ASIC2: variants seen among roughly 807,000 people sequenced by gnomAD.
ASIC2 encodes acid-sensing ion channel 2.
A neutral mutation model predicts 57.3 loss-of-function variants in ASIC2; 25 were observed. The observed-to-expected ratio is 0.44, with a 90% CI of 0.32 to 0.61. ASIC2 has a LOEUF of 0.61. ASIC2 is among the 20% of genes least tolerant of loss of function. The pLI, the probability that ASIC2 is intolerant of heterozygous loss-of-function variation, is 0.06. For synonymous variants in ASIC2, 319 were observed against 307.5 expected (o/e 1.04, Z -0.39); for missense variants, 641 against 738.1 (o/e 0.87, Z 1.52).
rs188608254 is a variant in ASIC2 at position 33,099,307 on chromosome 17, G to A, written c.860-10317C>T. 1.7e-3 allele frequency among the ~76,000 whole-genome samples: 266 copies of A among 152,164 alleles called. 1 individual carries two copies. Among genetic ancestry groups the A allele is most frequent in the African/African-American group, 6.0e-3 (251 of 41,504 alleles). ...GCTGGGATTATAGTCATGAGCCACC[G>A]CACCCAGCCGCTTACCGCATTTTAA... On this transcript the variant is annotated intron_variant, in intron 2 of 9. Transcript: ENST00000225823.
chr17:33,918,127 G>A (rs1052725664), intron 1 of ASIC2, among the ~76,000 whole-genome samples: 1 of 152,092 alleles, frequency 6.6e-6, no homozygotes, highest in Non-Finnish European at 1.5e-5. Context: ...TACTTATGAT[G>A]TTTCCTTTTC....
At position 33,941,931 on chromosome 17, in the gene ASIC2, G is replaced by A. The variant is rs189159464; in HGVS notation, c.555+214047C>T. Among the ~76,000 whole-genome samples, 217 of 152,290 alleles carry A rather than the reference G, an allele frequency of 1.4e-3. 1 individual carries two copies. Among genetic ancestry groups the A allele is most frequent in the African/African-American group, 5.1e-3 (212 of 41,562 alleles). ...TTACTACCACCCCGGGGCAACTCAG[G>A]CTAGGAAGGCAGGTGTTGTTGGGGA... On this transcript the variant is annotated intron_variant, in intron 1 of 9. Transcript: ENST00000359872.
In ASIC2 at chr17:34,037,985, C is replaced by A. The variant is rs1907956280; in HGVS notation, c.555+117993G>T. ...ATTTGAGATCTTTGGTGGTTCTTTC[C>A]CAACCACAAAACACTCTGGTGGTAA... is the stretch of plus-strand genomic sequence containing the variant. On this transcript the variant is annotated intron_variant, in intron 1 of 9. Transcript: ENST00000359872. The A allele has an allele frequency of 1.9e-6, 3 of 1,613,482 alleles. No individual in the cohort carries two copies. The African/African-American group carries it at 4.0e-5, about 22-fold the overall frequency.
At chr17:34,051,765 T>C (rs1404253147) in intron 1 of ASIC2, 3 of 151,986 alleles carry the variant, frequency 2.0e-5, no homozygotes, top group African/African-American at 7.3e-5. Context: ...AAAATTAATT[T>C]ACAAAATGTT....
chr17:33,353,338 C>G (rs1327685055), intron 1 of ASIC2, among the ~76,000 whole-genome samples: 1 of 151,946 alleles, frequency 6.6e-6, no homozygotes, highest in Admixed American at 6.6e-5. Context: ...TCTATCTATT[C>G]TTTTTTGTTT....
intron 1 of ASIC2, among the ~76,000 whole-genome samples, chr17:33,883,256 T>TA (rs1029477460): frequency 6.6e-6 from 1 of 152,014 alleles, no homozygotes; most frequent in Non-Finnish European, 1.5e-5. Context: ...ATAATATTAA[T>TA]AAAAAAAGTC....
chr17:33,616,103 C>T (rs537614443), intron 1 of ASIC2, among the ~76,000 whole-genome samples: 2 of 152,346 alleles, frequency 1.3e-5, no homozygotes, highest in African/African-American at 4.8e-5. Context: ...GTCTCTGTTA[C>T]GACCAGCTGT....
intron 1 of ASIC2, among the ~76,000 whole-genome samples, chr17:33,122,939 G>T (rs903452749): frequency 5.3e-5 from 8 of 152,090 alleles, no homozygotes; most frequent in Non-Finnish European, 8.8e-5. Context: ...GCCACAAGGA[G>T]ATATCACCTC....
chr17:33,762,804 T>C (rs1229840431), intron 1 of ASIC2, among the ~76,000 whole-genome samples: 1 of 152,106 alleles, frequency 6.6e-6, no homozygotes, highest in East Asian at 1.9e-4. Flanking sequence ...TGGGGATGAA[T>C]ATGTGAGGAG....
chr17:33,103,460 C>T (rs900132595), intron 2 of ASIC2, among the ~76,000 whole-genome samples: 2 of 152,190 alleles, frequency 1.3e-5, no homozygotes, highest in Non-Finnish European at 2.9e-5. Context: ...TGTCTATTTC[C>T]TCAATGTTTC....
chr17:33,093,674 C>T (rs751868337), intron 2 of ASIC2, among the ~76,000 whole-genome samples: 40 of 152,056 alleles, frequency 2.6e-4, no homozygotes, highest in Non-Finnish European at 2.9e-4. Flanking sequence ...TCTACCTGGC[C>T]AGGGAGGGAA....
At chr17:33,633,168 AC>A (rs1322420100) in intron 1 of ASIC2, among the ~76,000 whole-genome samples, 2 of 152,096 alleles carry the variant, frequency 1.3e-5, no homozygotes, top group Non-Finnish European at 2.9e-5. Context: ...AGAGAGTGTT[AC>A]CCTGATTCTC....
intron 1 of ASIC2, among the ~76,000 whole-genome samples, chr17:33,669,476 A>G (rs1907579759): frequency 6.6e-6 from 1 of 152,202 alleles, no homozygotes; most frequent in African/African-American, 2.4e-5. Context: ...AGACAGACAG[A>G]CAGACATGGA....
chr17:34,153,539 C>T (rs1904605764), intron 1 of ASIC2, among the ~76,000 whole-genome samples: 2 of 152,176 alleles, frequency 1.3e-5, no homozygotes, highest in African/African-American at 4.8e-5. Context: ...CTCCTCACTA[C>T]AAGGTCTTGA....
chr17:33,671,009 A>G (rs1261743329), intron 1 of ASIC2, among the ~76,000 whole-genome samples: 21 of 152,226 alleles, frequency 1.4e-4, no homozygotes, highest in Non-Finnish European at 2.1e-4. Flanking sequence ...GAAAAGTTTA[A>G]GAACCCATGG....
intron 1 of ASIC2, among the ~76,000 whole-genome samples, chr17:33,396,406 A>T (rs572762567): frequency 2.0e-5 from 3 of 152,244 alleles, no homozygotes; most frequent in Non-Finnish European, 2.9e-5. Context: ...TAGGCCTGTT[A>T]TCTCACTCAA....
At chr17:33,400,316 T>C (rs1027993447) in intron 1 of ASIC2, among the ~76,000 whole-genome samples, 5 of 152,174 alleles carry the variant, frequency 3.3e-5, no homozygotes, top group African/African-American at 1.2e-4. Context: ...GCTCAGGGAA[T>C]CTGTCAGGGT....
chr17:34,155,829 C>T, intron 1 of ASIC2: 2 of 863,006 alleles, frequency 2.3e-6, no homozygotes, highest in Non-Finnish European at 3.5e-6. Context: ...GCTCGCACAA[C>T]TCTGACCAAC....
At chr17:33,137,157 C>T (rs909002353) in intron 1 of ASIC2, among the ~76,000 whole-genome samples, 1 of 152,216 alleles carries the variant, frequency 6.6e-6, no homozygotes, top group African/African-American at 2.4e-5. Flanking sequence ...TGATTCCTTG[C>T]ATAGCATTTT....
Sources: gnomAD v4.1 joint callset for allele counts (sites outside exome capture counted in the v4.1 genomes callset) on GRCh38, gnomAD v4.1.1 for gene constraint, MANE v1.5 for transcripts, NCBI Gene and HGNC (gene_info 2026-07-23, HGNC 2026-07-21) for gene names.